Variants in PKNOX2 observed in about 807,000 individuals in gnomAD.
PKNOX2 encodes PBX/knotted 1 homeobox 2, also known as homeobox protein PKNOX2.
In PKNOX2, 14 loss-of-function variants were observed where a neutral mutation model predicts 53.1. The ratio of observed to expected loss-of-function variants is 0.26; its 90% confidence interval spans 0.17 to 0.41. The LOEUF is 0.41. Among genes scored for constraint, PKNOX2 ranks in the 10% least tolerant of loss-of-function variants. PKNOX2 has a pLI of 1.00. For synonymous variants in PKNOX2, 257 were observed against 242.8 expected (o/e 1.06, Z -0.54); for missense variants, 496 against 602.8 (o/e 0.82, Z 1.85).
intron 1 of PKNOX2, among the ~76,000 whole-genome samples, chr11:125,189,447 GTATATATATATATATATATATATATA>G (rs58968290): frequency 1.1e-3 from 25 of 23,458 alleles, no homozygotes; most frequent in Non-Finnish European, 1.5e-3. Flanking sequence ...GTGTGTGTGT[GTATATATATATATATATATATATATA>G]TATATATATA....
chr11:125,241,920 TG>T (rs1275453999), intron 2 of PKNOX2, among the ~76,000 whole-genome samples: 1 of 152,078 alleles, frequency 6.6e-6, no homozygotes, highest in African/African-American at 2.4e-5. Flanking sequence ...GATGAATGTA[TG>T]ATTCAAGGTG....
At chr11:125,178,573 G>GGAAAGAAAGAAAGAAAGAAA (rs1252779651) in intron 1 of PKNOX2, among the ~76,000 whole-genome samples, 5 of 34,180 alleles carry the variant, frequency 1.5e-4, no homozygotes, top group African/African-American at 7.1e-4. Flanking sequence ...AACGAAGGAA[G>GGAAAGAAAGAAAGAAAGAAA]GAAGGAAGGA....
chr11:125,182,238 C>G (rs1336010704), intron 1 of PKNOX2, among the ~76,000 whole-genome samples: 1 of 152,160 alleles, frequency 6.6e-6, no homozygotes, highest in African/African-American at 2.4e-5. Flanking sequence ...CCCAGCTAAC[C>G]TGGGCAGGCA....
At chr11:125,377,597 G>T (rs1196662320) in intron 5 of PKNOX2, among the ~76,000 whole-genome samples, 1 of 152,194 alleles carries the variant, frequency 6.6e-6, no homozygotes, top group African/African-American at 2.4e-5. Context: ...AGGGACCAGG[G>T]TCCGCCTGCC....
chr11:125,237,378 C>T (rs150877570), intron 2 of PKNOX2, among the ~76,000 whole-genome samples: 1 of 152,144 alleles, frequency 6.6e-6, no homozygotes, highest in East Asian at 1.9e-4. Flanking sequence ...AACATAAATA[C>T]CCCCCTTCTC....
intron 1 of PKNOX2, among the ~76,000 whole-genome samples, chr11:125,199,385 G>A (rs546030578): frequency 1.3e-5 from 2 of 152,304 alleles, no homozygotes; most frequent in East Asian, 3.9e-4. Flanking sequence ...CTTCACTGAG[G>A]TCCAGGTGCT....
chr11:125,299,047 G>C (rs1947852228), intron 2 of PKNOX2, among the ~76,000 whole-genome samples: 1 of 152,064 alleles, frequency 6.6e-6, no homozygotes, highest in Admixed American at 6.5e-5. Context: ...ATCTTCTCGG[G>C]TTTGGGGAGG....
chr11:125,293,793 ACACACACGCT>A (rs1947471856), intron 2 of PKNOX2, among the ~76,000 whole-genome samples: 1 of 149,936 alleles, frequency 6.7e-6, no homozygotes, highest in South Asian at 2.1e-4. Context: ...ACACGCTCAC[ACACACACGCT>A]CACACACACT....
At chr11:125,168,835 A>G (rs1955076001) in intron 1 of PKNOX2, among the ~76,000 whole-genome samples, 2 of 152,260 alleles carry the variant, frequency 1.3e-5, no homozygotes, top group South Asian at 4.1e-4. Context: ...GTTGTTAGCA[A>G]TTGAATTTGT....
chr11:125,294,858 G>T (rs1947547386), intron 2 of PKNOX2, among the ~76,000 whole-genome samples: 1 of 152,200 alleles, frequency 6.6e-6, no homozygotes, highest in Non-Finnish European at 1.5e-5. Context: ...TTCACCACCT[G>T]CCTCGCATGG....
chr11:125,176,700 G>T (rs1441097133), intron 1 of PKNOX2, among the ~76,000 whole-genome samples: 2 of 152,200 alleles, frequency 1.3e-5, no homozygotes, highest in Admixed American at 1.3e-4. Context: ...GGCCCTTTCT[G>T]GGGAGAGAGT....
intron 2 of PKNOX2, among the ~76,000 whole-genome samples, chr11:125,257,438 T>C (rs1463550450): frequency 6.6e-6 from 1 of 152,156 alleles, no homozygotes; most frequent in Non-Finnish European, 1.5e-5. Flanking sequence ...CTGGAGGCTG[T>C]TTTCAAGACC....
chr11:125,288,889 C>T (rs554190974), intron 2 of PKNOX2, among the ~76,000 whole-genome samples: 17 of 152,290 alleles, frequency 1.1e-4, no homozygotes, highest in South Asian at 2.1e-4. Context: ...GATGGAGAAG[C>T]GCTGATATTT....
intron 1 of PKNOX2, among the ~76,000 whole-genome samples, chr11:125,204,510 C>T (rs1230807644): frequency 6.6e-6 from 1 of 152,168 alleles, no homozygotes; most frequent in Admixed American, 6.5e-5. Flanking sequence ...GGCTCAAGCT[C>T]CCAATTTAAT....
intron 6 of PKNOX2, among the ~76,000 whole-genome samples, chr11:125,386,980 G>T (rs376728215): frequency 6.6e-6 from 1 of 152,216 alleles, no homozygotes; most frequent in African/African-American, 2.4e-5. Context: ...GGGAGGGTCA[G>T]TGAAGGCATC....
At chr11:125,335,361 C>T (rs563304628) in intron 3 of PKNOX2, among the ~76,000 whole-genome samples, 9 of 152,218 alleles carry the variant, frequency 5.9e-5, no homozygotes, top group Non-Finnish European at 1.2e-4. Context: ...AATCCAACCG[C>T]ATGACCTTTT....
chr11:125,180,753 G>A (rs769356714), intron 1 of PKNOX2, among the ~76,000 whole-genome samples: 1 of 152,184 alleles, frequency 6.6e-6, no homozygotes, highest in African/African-American at 2.4e-5. Flanking sequence ...GGCCTGAGGG[G>A]CTGTAATTTC....
chr11:125,336,150 T>C (rs1028808828), intron 3 of PKNOX2, among the ~76,000 whole-genome samples: 1 of 152,176 alleles, frequency 6.6e-6, no homozygotes, highest in African/African-American at 2.4e-5. Context: ...ATTGTAGTTA[T>C]TTTTTAAATT....
intron 1 of PKNOX2, among the ~76,000 whole-genome samples, chr11:125,194,960 C>G (rs549419122): frequency 6.6e-6 from 1 of 152,140 alleles, no homozygotes; most frequent in East Asian, 1.9e-4. Context: ...ACCTTCCTGA[C>G]GCTCTTAGGA....
Sources: gnomAD v4.1 joint callset for allele counts (sites outside exome capture counted in the v4.1 genomes callset) on GRCh38, gnomAD v4.1.1 for gene constraint, MANE v1.5 for transcripts, NCBI Gene and HGNC (gene_info 2026-07-23, HGNC 2026-07-21) for gene names.